Variants in NT5C2 observed in about 807,000 individuals in gnomAD.
NT5C2 encodes the protein 5'-nucleotidase, cytosolic II.
NT5C2 carries 58 observed loss-of-function variants against 76.1 expected under a neutral mutation model. That is an observed-to-expected ratio of 0.76 (90% CI 0.62 to 0.95). NT5C2 has a LOEUF of 0.95. NT5C2 is among the 40% of genes least tolerant of loss of function. NT5C2 has a pLI of 0.00. For synonymous variants in NT5C2, 229 were observed against 237.4 expected (o/e 0.96, Z 0.32); for missense variants, 478 against 690.3 (o/e 0.69, Z 3.45).
rs1288724337 is a variant in NT5C2 at position 103,126,374 on chromosome 10, A to G, written c.175+13032T>C. On this transcript the variant is annotated intron_variant, in intron 4 of 18. Coordinates refer to ENST00000404739, the MANE Select transcript of NT5C2 (RefSeq NM_001351169.2). The stretch of plus-strand genomic sequence containing the variant: ...TGCAGTGGCTCACATCTGTAATCCC[A>G]GCACTTTGGGAGGCCAAGGTGGGCA... Among the ~76,000 whole-genome samples the G allele has an allele frequency of 2.6e-5, 4 of 152,214 alleles. No homozygotes were observed. The East Asian group carries it at 7.7e-4, about 29-fold the overall frequency.
intron 4 of NT5C2, among the ~76,000 whole-genome samples, chr10:103,128,074 CCTCTCCCTCTCCCTCTGT>C (rs1329834626): frequency 7.5e-4 from 107 of 142,404 alleles, no homozygotes; most frequent in African/African-American, 2.8e-3. Flanking sequence ...TCTCCCTCTC[CCTCTCCCTCTCCCTCTGT>C]CTCCCTCTCC....
At chr10:103,152,410 G>C (rs1350934433) in intron 3 of NT5C2, among the ~76,000 whole-genome samples, 1 of 152,082 alleles carries the variant, frequency 6.6e-6, no homozygotes, top group Non-Finnish European at 1.5e-5. Flanking sequence ...TCTAAAAATA[G>C]CAGTAAAGTG....
At chr10:103,155,875 T>C (rs2083270824) in intron 3 of NT5C2, among the ~76,000 whole-genome samples, 1 of 152,042 alleles carries the variant, frequency 6.6e-6, no homozygotes, top group Non-Finnish European at 1.5e-5. Flanking sequence ...ATTTAAAAAA[T>C]GAATTTGGCC....
At chr10:103,105,659 T>C (rs956930199) in intron 6 of NT5C2, 47 bp downstream of exon 6, 3 of 1,216,094 alleles carry the variant, frequency 2.5e-6, no homozygotes, top group Non-Finnish European at 3.6e-6. Context: ...ATCTTCACAT[T>C]GTTTGACTTT....
Position 103,173,922 on chromosome 10 carries a change from C to T in NT5C2, c.101+936G>A, listed in dbSNP as rs190000397. ...ACCAGCCTGGCTAACACGGTGAAACCCTGTCTCTACTAAAAATACAAAAAT... is the reference window on the plus strand; with the variant it reads ...ACCAGCCTGGCTAACACGGTGAAACTCTGTCTCTACTAAAAATACAAAAAT... On this transcript the variant is annotated intron_variant, in intron 3 of 18. Coordinates refer to ENST00000404739, the MANE Select transcript of NT5C2 (RefSeq NM_001351169.2). Among the ~76,000 whole-genome samples the T allele has an allele frequency of 9.1e-3, 1,385 of 151,874 alleles. 6 individuals are homozygous for T. The highest frequency in any genetic ancestry group is 0.014 in the Non-Finnish European group (978 of 67,936).
chr10:103,092,902 AAACTT>A (rs3837340), intron 15 of NT5C2, among the ~76,000 whole-genome samples: 1 of 151,736 alleles, frequency 6.6e-6, no homozygotes, highest in South Asian at 2.1e-4. Flanking sequence ...CCAACATTCT[AAACTT>A]AACCTCGAAG....
In NT5C2 at chr10:103,170,526, CTTT is replaced by C. The variant is rs71019664; in HGVS notation, c.101+4329_101+4331del. 5.2e-3 allele frequency among the ~76,000 whole-genome samples: 612 copies of C among 117,740 alleles called. 1 individual carries two copies. The highest frequency in any genetic ancestry group is 0.011 in the African/African-American group (359 of 31,798). The allele number at this position is 117,740 out of a possible 152,430, so 77.2% of individuals were successfully genotyped here. ...ACACACAAGCACACACACATGCACA[CTTT>C]TTTTTTTTTTTTTTTTTTGAGACAT... On this transcript the variant is annotated intron_variant, in intron 3 of 18. Transcript: ENST00000404739.
intron 9 of NT5C2, 87 bp downstream of exon 9, chr10:103,099,839 A>T: frequency 1.2e-6 from 1 of 822,468 alleles, no homozygotes; most frequent in Non-Finnish European, 2.0e-6. Context: ...TTAAAAAAAG[A>T]AATATTCTGC....
At chr10:103,164,893 T>C (rs571235980) in intron 3 of NT5C2, among the ~76,000 whole-genome samples, 14 of 152,332 alleles carry the variant, frequency 9.2e-5, no homozygotes, top group Non-Finnish European at 1.6e-4. Flanking sequence ...TACTGTTAGA[T>C]ATGTTGTTTT....
chr10:103,179,197 T>C (rs964283628), intron 2 of NT5C2, among the ~76,000 whole-genome samples: 1 of 152,034 alleles, frequency 6.6e-6, no homozygotes, highest in Non-Finnish European at 1.5e-5. Flanking sequence ...TCTGCCCACC[T>C]TGGCCTTCCA....
intron 1 of NT5C2, among the ~76,000 whole-genome samples, chr10:103,183,261 T>TTATATATATATA (rs1554841527): frequency 2.2e-5 from 1 of 45,516 alleles, no homozygotes; most frequent in African/African-American, 1.2e-4. Flanking sequence ...TGTGTGTGTG[T>TTATATATATATA]GATATATATA....
At chr10:103,139,352 C>T (rs1193883485) in intron 4 of NT5C2, 54 bp downstream of exon 4, 40 of 1,196,804 alleles carry the variant, frequency 3.3e-5, no homozygotes, top group Non-Finnish European at 4.4e-5. Flanking sequence ...ACTGTGAACC[C>T]ACTGTGTTAT....
chr10:103,160,094 C>T (rs889662351), intron 3 of NT5C2, among the ~76,000 whole-genome samples: 10 of 152,120 alleles, frequency 6.6e-5, no homozygotes, highest in Non-Finnish European at 1.5e-4. Flanking sequence ...ATTCATACAT[C>T]TATGTTCAAA....
At chr10:103,142,461 A>G (rs1336504819) in intron 3 of NT5C2, among the ~76,000 whole-genome samples, 1 of 152,114 alleles carries the variant, frequency 6.6e-6, no homozygotes, top group Non-Finnish European at 1.5e-5. Context: ...GCTTGAGCAC[A>G]GGAGTTCGAA....
chr10:103,125,325 G>A (rs1591133581), intron 4 of NT5C2: 1 of 494,406 alleles, frequency 2.0e-6, no homozygotes, highest in Admixed American at 2.7e-5. Flanking sequence ...AATGACTTTG[G>A]AGCACAGCCT....
At position 103,192,867 on chromosome 10, in the gene NT5C2, G is replaced by A. The variant is rs76642670; in HGVS notation, c.-169+369C>T. Among the ~76,000 whole-genome samples, 492 of 152,290 alleles carry A rather than the reference G, an allele frequency of 3.2e-3. 2 individuals are homozygous for A. The highest frequency in any genetic ancestry group is 4.8e-3 in the Non-Finnish European group (329 of 68,004). On this transcript the variant is annotated intron_variant, in intron 1 of 18. Coordinates refer to ENST00000404739, the MANE Select transcript of NT5C2 (RefSeq NM_001351169.2). ...AAGGGCTACCACCAGCGTGAGGAAA[G>A]GGGGGAAGAGGGCGGAACGCGGCGA...
chr10:103,190,430 C>T (rs1370447066), intron 1 of NT5C2, among the ~76,000 whole-genome samples: 2 of 152,148 alleles, frequency 1.3e-5, no homozygotes, highest in African/African-American at 4.8e-5. Context: ...TACTGTTTTT[C>T]CTGATCCCAC....
chr10:103,109,748 G>T (rs1286822470), intron 4 of NT5C2, among the ~76,000 whole-genome samples: 1 of 152,126 alleles, frequency 6.6e-6, no homozygotes, highest in Non-Finnish European at 1.5e-5. Context: ...TAACTATAGA[G>T]CAATGGAGTG....
chr10:103,105,594 C>T (rs571233101), intron 6 of NT5C2, 112 bp downstream of exon 6: 2 of 740,116 alleles, frequency 2.7e-6, no homozygotes, highest in East Asian at 5.3e-5. Context: ...AGGGAATTTG[C>T]TCTTTAATGA....
Sources: gnomAD v4.1 joint callset for allele counts (sites outside exome capture counted in the v4.1 genomes callset) on GRCh38, gnomAD v4.1.1 for gene constraint, MANE v1.5 for transcripts, NCBI Gene and HGNC (gene_info 2026-07-23, HGNC 2026-07-21) for gene names.